WWOX: variants seen among roughly 807,000 people sequenced by gnomAD.
WWOX encodes the protein WW domain containing oxidoreductase, also known as WW domain-containing oxidoreductase.
WWOX carries 69 observed loss-of-function variants against 46.2 expected under a neutral mutation model. That is an observed-to-expected ratio of 1.49 (90% CI 1.23 to 1.82). WWOX has a LOEUF of 1.82. Ranked by LOEUF, WWOX falls within the 40% of genes most tolerant of loss-of-function variation. The probability of loss-of-function intolerance (pLI) is 0.00; values close to 1 mark genes in which losing one functional copy is unlikely to be tolerated. For synonymous variants in WWOX, 359 were observed against 202.6 expected, an observed-to-expected ratio of 1.77 and a Z score of -6.56; for missense variants, 919 against 542.6, an observed-to-expected ratio of 1.69 and a Z score of -6.89.
chr16:78,200,625 C>G (rs796741002), intron 5 of WWOX, among the ~76,000 whole-genome samples: 10 of 150,694 alleles, frequency 6.6e-5, no homozygotes, highest in African/African-American at 2.4e-4. Context: ...ACTGGCAGAT[C>G]TGACTTCCTT....
At chr16:78,875,383 G>A (rs1292698814) in intron 8 of WWOX, among the ~76,000 whole-genome samples, 1 of 152,138 alleles carries the variant, frequency 6.6e-6, no homozygotes. Flanking sequence ...GACATTTCCA[G>A]TGTCTAGTCC....
At chr16:79,110,883 T>C (rs1234519832) in intron 8 of WWOX, 4 of 152,188 alleles carry the variant, frequency 2.6e-5, no homozygotes, top group South Asian at 2.1e-4. Flanking sequence ...AACACTGTTA[T>C]TGGTCTTTCG....
intron 8 of WWOX, among the ~76,000 whole-genome samples, chr16:78,809,527 T>C (rs927490886): frequency 2.6e-5 from 4 of 152,186 alleles, no homozygotes; most frequent in African/African-American, 9.7e-5. Context: ...AGTATTCCTT[T>C]CCAACTTCCA....
At chr16:78,442,258 T>A (rs1324859087) in intron 8 of WWOX, among the ~76,000 whole-genome samples, 1 of 152,176 alleles carries the variant, frequency 6.6e-6, no homozygotes, top group Non-Finnish European at 1.5e-5. Context: ...TACATAGCTA[T>A]CATTTTTTGT....
intron 8 of WWOX, among the ~76,000 whole-genome samples, chr16:78,968,925 A>G (rs1028634674): frequency 2.0e-5 from 3 of 152,322 alleles, no homozygotes; most frequent in South Asian, 2.1e-4. Flanking sequence ...TAAAGAAAAA[A>G]AAAAAAGACA....
Position 79,170,027 on chromosome 16 carries a change from A to G in WWOX, c.1057-41581A>G, listed in dbSNP as rs143214529. 8.5e-5 allele frequency among the ~76,000 whole-genome samples: 13 copies of G among 152,200 alleles called. No homozygotes were observed. In the East Asian group the frequency reaches 1.7e-3, roughly 20 times the overall value. ...TTAGGACACCTTCATTACCCCTCCTAAAAGGAGATTTTATAATGAGCGCCA... is the reference window on the plus strand; with the variant it reads ...TTAGGACACCTTCATTACCCCTCCTGAAAGGAGATTTTATAATGAGCGCCA... On this transcript the variant is annotated intron_variant, in intron 8 of 8. Transcript: ENST00000566780.
At chr16:78,994,104 AC>A (rs2046941601) in intron 8 of WWOX, among the ~76,000 whole-genome samples, 1 of 152,294 alleles carries the variant, frequency 6.6e-6, no homozygotes, top group South Asian at 2.1e-4. Flanking sequence ...TGATCAAGAA[AC>A]GTTACCTGTC....
chr16:78,856,926 G>A (rs2052580611), intron 8 of WWOX, among the ~76,000 whole-genome samples: 2 of 152,174 alleles, frequency 1.3e-5, no homozygotes, highest in South Asian at 4.1e-4. Flanking sequence ...TCCTAGGCTA[G>A]GTAGAGCATA....
rs2046614167 is a variant in WWOX, at chr16:78,978,368, C to T, written c.1057-233240C>T. Among the ~76,000 whole-genome samples the T allele has an allele frequency of 2.0e-5, 3 of 152,122 alleles. No homozygotes were observed. The South Asian group carries it at 6.2e-4, about 32-fold the overall frequency. ...GGGTATATACCTAGGAGTGGAAGTG[C>T]TGGGTCACGCAGTAATTCTTTTTAA... On this transcript the variant is annotated intron_variant, in intron 8 of 8. Transcript: ENST00000566780.
intron 8 of WWOX, among the ~76,000 whole-genome samples, chr16:78,481,039 G>T (rs1172006016): frequency 6.6e-6 from 1 of 152,210 alleles, no homozygotes; most frequent in Non-Finnish European, 1.5e-5. Context: ...ATCACAGTTT[G>T]ATCAGAAGTG....
intron 8 of WWOX, among the ~76,000 whole-genome samples, chr16:78,499,383 T>C (rs574818153): frequency 6.6e-6 from 1 of 152,316 alleles, no homozygotes; most frequent in African/African-American, 2.4e-5. Flanking sequence ...ACCAGCCCCT[T>C]TGTGATAGTC....
intron 8 of WWOX, chr16:79,078,250 C>G (rs1181824301): frequency 1.3e-5 from 2 of 152,202 alleles, no homozygotes; most frequent in Non-Finnish European, 2.9e-5. Flanking sequence ...CCTCCCTGAC[C>G]TTTTCACAGT....
intron 8 of WWOX, among the ~76,000 whole-genome samples, chr16:78,882,955 G>A (rs951331049): frequency 6.6e-6 from 1 of 152,122 alleles, no homozygotes; most frequent in Non-Finnish European, 1.5e-5. Flanking sequence ...GTCGTAGGCT[G>A]AGGGAGAAGC....
chr16:78,794,050 AT>A, intron 8 of WWOX, among the ~76,000 whole-genome samples: 1 of 152,286 alleles, frequency 6.6e-6, no homozygotes, highest in South Asian at 2.1e-4. Context: ...TGTGGTCAGA[AT>A]GTCTGTGTCA....
At chr16:78,122,316 T>G (rs1293905308) in intron 4 of WWOX, among the ~76,000 whole-genome samples, 2 of 152,170 alleles carry the variant, frequency 1.3e-5, no homozygotes, top group Non-Finnish European at 2.9e-5. Flanking sequence ...AGGCCATCAG[T>G]TGAATTTCAT....
At chr16:78,535,850 C>T (rs1391327574) in intron 8 of WWOX, among the ~76,000 whole-genome samples, 1 of 152,072 alleles carries the variant, frequency 6.6e-6, no homozygotes, top group Admixed American at 6.5e-5. Context: ...GAGGTATGAC[C>T]TAGAGCAAGG....
At chr16:78,121,608 T>G (rs1338081968) in intron 4 of WWOX, among the ~76,000 whole-genome samples, 1 of 152,122 alleles carries the variant, frequency 6.6e-6, no homozygotes, top group Non-Finnish European at 1.5e-5. Context: ...TTATATATAT[T>G]TTTAAAATAA....
At chr16:78,813,122 A>G (rs890978687) in intron 8 of WWOX, among the ~76,000 whole-genome samples, 22 of 148,594 alleles carry the variant, frequency 1.5e-4, no homozygotes, top group South Asian at 6.4e-4. Context: ...ACGTTGTTCT[A>G]TAAGTGGTTG....
intron 5 of WWOX, among the ~76,000 whole-genome samples, chr16:78,250,633 A>G (rs1314278891): frequency 6.6e-6 from 1 of 152,162 alleles, no homozygotes; most frequent in Non-Finnish European, 1.5e-5. Flanking sequence ...GCCAACAGAT[A>G]GACATGGGGT....
Sources: gnomAD v4.1 joint callset for allele counts (sites outside exome capture counted in the v4.1 genomes callset) on GRCh38, gnomAD v4.1.1 for gene constraint, MANE v1.5 for transcripts, NCBI Gene and HGNC (gene_info 2026-07-23, HGNC 2026-07-21) for gene names.